BMP5: variants seen among roughly 807,000 people sequenced by gnomAD.
The protein encoded by BMP5 is bone morphogenetic protein 5.
Under a neutral mutation model 46.6 loss-of-function variants are expected in BMP5, and 23 were observed. The ratio of observed to expected loss-of-function variants is 0.49; its 90% confidence interval spans 0.35 to 0.70. BMP5 has a LOEUF of 0.70. Ranked by LOEUF, BMP5 falls within the 30% of genes least tolerant of loss-of-function variation. BMP5 has a pLI of 0.00. For synonymous variants in BMP5, 204 were observed against 191.9 expected (o/e 1.06, Z -0.52); for missense variants, 545 against 565.6 (o/e 0.96, Z 0.37).
Position 55,801,210 on chromosome 6 carries a change from G to A in BMP5, c.684-6783C>T, listed in dbSNP as rs779876980. On this transcript the variant is annotated intron_variant, in intron 2 of 6. Coordinates refer to ENST00000370830, the MANE Select transcript of BMP5 (RefSeq NM_021073.4). ...TGGGTAACATTTAGAAGGTGGCAGC[G>A]AAGCAGTAGCCATATTTATGCTTAG... 7.9e-5 allele frequency among the ~76,000 whole-genome samples: 12 copies of A among 152,188 alleles called. No individual in the cohort carries two copies. In the East Asian group the frequency reaches 1.3e-3, roughly 17 times the overall value.
chr6:55,836,367 C>A (rs1172361298), intron 1 of BMP5, among the ~76,000 whole-genome samples: 2 of 151,996 alleles, frequency 1.3e-5, no homozygotes, highest in Non-Finnish European at 2.9e-5. Context: ...AACTATTTTG[C>A]AAAGACTAGA....
At chr6:55,759,515 A>G (rs1198851958) in intron 5 of BMP5, among the ~76,000 whole-genome samples, 1 of 151,908 alleles carries the variant, frequency 6.6e-6, no homozygotes, top group East Asian at 1.9e-4. Context: ...GTTCAAGTGA[A>G]CCCGAAAGAA....
chr6:55,859,835 C>T (rs962714561), intron 1 of BMP5, among the ~76,000 whole-genome samples: 7 of 152,202 alleles, frequency 4.6e-5, no homozygotes, highest in African/African-American at 1.7e-4. Context: ...AACACTGTAA[C>T]TTATATCCTC....
chr6:55,764,653 A>T (rs1365992737), intron 4 of BMP5, among the ~76,000 whole-genome samples: 1 of 151,688 alleles, frequency 6.6e-6, no homozygotes, highest in Non-Finnish European at 1.5e-5. Context: ...CAACTGGAAG[A>T]TGTCAAGTGA....
intron 2 of BMP5, among the ~76,000 whole-genome samples, chr6:55,807,133 T>C (rs1215202287): frequency 2.0e-5 from 3 of 152,178 alleles, no homozygotes; most frequent in African/African-American, 7.2e-5. Flanking sequence ...AGAGGGGGCA[T>C]CCTTATCTTG....
intron 4 of BMP5, among the ~76,000 whole-genome samples, chr6:55,762,420 C>T (rs1774810163): frequency 6.6e-6 from 1 of 152,020 alleles, no homozygotes; most frequent in Admixed American, 6.6e-5. Context: ...ATCTAAAAAA[C>T]AAGCTAATGA....
rs1231940076 is a variant in BMP5, at chr6:55,874,957, G to A, written c.-92C>T. On this transcript the variant is annotated 5_prime_UTR_variant, in exon 1 of 7. Transcript: ENST00000370830. ...AGGTTCTAGGAGGTACAGTTTCCCAGTAGCTGAAAAAACAAATTTACCTAT... is the reference window on the plus strand; with the variant it reads ...AGGTTCTAGGAGGTACAGTTTCCCAATAGCTGAAAAAACAAATTTACCTAT... 2.7e-6 allele frequency: 4 copies of A among 1,491,488 alleles called. No individual in the cohort carries two copies. Among genetic ancestry groups the A allele is most frequent in the Non-Finnish European group, 3.6e-6 (4 of 1,103,374 alleles). The allele number at this position is 1,491,488 out of a possible 1,614,324, so 92.4% of individuals were successfully genotyped here.
intron 3 of BMP5, among the ~76,000 whole-genome samples, chr6:55,790,895 G>A (rs1388494197): frequency 1.3e-5 from 2 of 152,006 alleles, no homozygotes; most frequent in Non-Finnish European, 2.9e-5. Flanking sequence ...CAGTATTAGG[G>A]CACTTTGTTA....
intron 4 of BMP5, among the ~76,000 whole-genome samples, chr6:55,773,302 T>G (rs1275554960): frequency 5.3e-5 from 8 of 151,924 alleles, no homozygotes; most frequent in African/African-American, 1.9e-4. Flanking sequence ...TAGCCACCAT[T>G]TTCATCTAAC....
At chr6:55,783,756 A>C (rs970764485) in intron 3 of BMP5, among the ~76,000 whole-genome samples, 1 of 152,084 alleles carries the variant, frequency 6.6e-6, no homozygotes, top group Admixed American at 6.6e-5. Context: ...AAATATAACA[A>C]ACAACAAAAA....
At chr6:55,814,124 A>ATAT (rs1562051114) in intron 2 of BMP5, among the ~76,000 whole-genome samples, 5 of 152,102 alleles carry the variant, frequency 3.3e-5, no homozygotes, top group Non-Finnish European at 7.4e-5. Flanking sequence ...CATTTATTTT[A>ATAT]TTATTACACT....
At position 55,794,441 on chromosome 6, in the gene BMP5, G is replaced by C. The variant is rs747067773; in HGVS notation, c.684-14C>G. 19 of 1,612,940 alleles carry C rather than the reference G, an allele frequency of 1.2e-5. No individual in the cohort carries two copies. The highest frequency in any genetic ancestry group is 1.6e-5 in the Non-Finnish European group (19 of 1,179,504). ...AGATCTGCATCCCTAAAAAGAAAAG[G>C]AACAACAAAAAAAGTTAAAGGTTTA... On this transcript the variant is annotated splice_polypyrimidine_tract_variant and intron_variant, in intron 2 of 6. Transcript: ENST00000370830.
chr6:55,868,698 T>C (rs552843102), intron 1 of BMP5, among the ~76,000 whole-genome samples: 4 of 152,322 alleles, frequency 2.6e-5, no homozygotes, highest in African/African-American at 7.2e-5. Context: ...TACTACTTGG[T>C]TATGCAGATT....
chr6:55,777,651 G>A (rs184693522), intron 3 of BMP5, among the ~76,000 whole-genome samples: 72 of 151,930 alleles, frequency 4.7e-4, no homozygotes, highest in African/African-American at 1.6e-3. Context: ...GATTTGATTC[G>A]CCAGGCATAT....
chr6:55,868,881 G>C (rs1370418183), intron 1 of BMP5, among the ~76,000 whole-genome samples: 1 of 152,172 alleles, frequency 6.6e-6, no homozygotes, highest in Non-Finnish European at 1.5e-5. Context: ...GTGTTTTAAA[G>C]GATATCTTAG....
chr6:55,845,138 A>T (rs1212996031), intron 1 of BMP5, among the ~76,000 whole-genome samples: 1 of 152,086 alleles, frequency 6.6e-6, no homozygotes, highest in Non-Finnish European at 1.5e-5. Flanking sequence ...TAATATCTTT[A>T]CATGGCACAT....
At chr6:55,822,070 T>C (rs1188458629) in intron 1 of BMP5, among the ~76,000 whole-genome samples, 2 of 152,178 alleles carry the variant, frequency 1.3e-5, no homozygotes, top group African/African-American at 2.4e-5. Flanking sequence ...GTAGGTTCTC[T>C]TATTATCCTC....
chr6:55,759,288 C>G (rs1774708141), intron 5 of BMP5, among the ~76,000 whole-genome samples, 173 bp from the exon 6 acceptor site: 1 of 147,240 alleles, frequency 6.8e-6, no homozygotes, highest in African/African-American at 2.5e-5. Context: ...AACAATTATT[C>G]TAATGGAATT....
chr6:55,847,529 C>G (rs1212208341), intron 1 of BMP5, among the ~76,000 whole-genome samples: 1 of 151,796 alleles, frequency 6.6e-6, no homozygotes, highest in Non-Finnish European at 1.5e-5. Context: ...TATTATTTAT[C>G]AAAACTGAAA....
Sources: allele counts gnomAD v4.1 joint callset (sites outside exome capture counted in the v4.1 genomes callset), GRCh38; gene constraint gnomAD v4.1.1; transcripts MANE v1.5; gene names NCBI Gene and HGNC (gene_info 2026-07-23, HGNC 2026-07-21).